Variants in SUGCT observed in about 807,000 individuals in gnomAD.
SUGCT encodes the protein succinyl-CoA:glutarate CoA-transferase.
In SUGCT, 41 loss-of-function variants were observed where a neutral mutation model predicts 55.0. The observed-to-expected ratio is 0.74, with a 90% CI of 0.58 to 0.97. The LOEUF (loss-of-function observed/expected upper bound fraction) is 0.97, where lower values mean the gene tolerates loss of function less well. SUGCT is among the 50% of genes least tolerant of loss of function. The pLI, the probability that SUGCT is intolerant of heterozygous loss-of-function variation, is 0.00. For synonymous variants in SUGCT, 187 were observed against 200.4 expected (o/e 0.93, Z 0.56); for missense variants, 568 against 547.8 (o/e 1.04, Z -0.37).
At chr7:40,258,616 A>T (rs1272377681) in intron 7 of SUGCT, among the ~76,000 whole-genome samples, 1 of 152,198 alleles carries the variant, frequency 6.6e-6, no homozygotes, top group Non-Finnish European at 1.5e-5. Context: ...TGACCTCGTG[A>T]TCCACCTGCC....
At chr7:40,945,478 G>A in the SUGCT span, among the ~76,000 whole-genome samples, 1 of 152,102 alleles carries the variant, frequency 6.6e-6, no homozygotes, top group South Asian at 2.1e-4. Flanking sequence ...GTCTACAGAT[G>A]CACCCACACC....
At chr7:40,404,639 G>A (rs976815686) in intron 9 of SUGCT, among the ~76,000 whole-genome samples, 1 of 152,106 alleles carries the variant, frequency 6.6e-6, no homozygotes, top group Non-Finnish European at 1.5e-5. Context: ...GTTTTACCAT[G>A]TTGGCCAGGC....
At chr7:40,451,984 A>C (rs920645798) in intron 10 of SUGCT, among the ~76,000 whole-genome samples, 8 of 152,242 alleles carry the variant, frequency 5.3e-5, no homozygotes, top group Admixed American at 2.6e-4. Flanking sequence ...AGATGGGACA[A>C]CTTTAGTTCC....
chr7:40,866,299 C>T, the SUGCT span, among the ~76,000 whole-genome samples: 1 of 152,040 alleles, frequency 6.6e-6, no homozygotes, highest in Non-Finnish European at 1.5e-5. Flanking sequence ...TTCACCCTGA[C>T]GGTCCTGGAT....
chr7:40,854,477 T>TTG (rs1563050950), intron 13 of SUGCT, among the ~76,000 whole-genome samples: 2 of 119,810 alleles, frequency 1.7e-5, no homozygotes, highest in African/African-American at 6.5e-5. Flanking sequence ...TCTTTCTTTC[T>TTG]CTTTCTCTCT....
chr7:40,193,209 T>C (rs1286768457), intron 5 of SUGCT, among the ~76,000 whole-genome samples: 1 of 151,450 alleles, frequency 6.6e-6, no homozygotes, highest in Non-Finnish European at 1.5e-5. Context: ...TCAAGTGATC[T>C]ATCCCCCCGA....
rs141574494 is a variant in SUGCT, at chr7:40,842,645, T to C, written c.1154-17671T>C. 1.9e-3 allele frequency among the ~76,000 whole-genome samples: 291 copies of C among 152,316 alleles called. 1 individual carries two copies. Among genetic ancestry groups the C allele is most frequent in the African/African-American group, 6.7e-3 (277 of 41,572 alleles). On this transcript the variant is annotated intron_variant, in intron 13 of 13. Transcript: ENST00000335693. Reference sequence around the variant, plus strand: ...AATTTACTAGACTCTGGACACACAATGCAAAGAAAACAGATAAGATTCCTG... The same window carrying C: ...AATTTACTAGACTCTGGACACACAACGCAAAGAAAACAGATAAGATTCCTG...
intron 12 of SUGCT, among the ~76,000 whole-genome samples, chr7:40,504,029 C>T (rs1394968628): frequency 6.6e-6 from 1 of 152,052 alleles, no homozygotes; most frequent in Non-Finnish European, 1.5e-5. Flanking sequence ...TCCAAAGAAT[C>T]AATAAACATA....
At chr7:40,499,764 CCAGT>C (rs1792180699) in intron 12 of SUGCT, among the ~76,000 whole-genome samples, 1 of 151,970 alleles carries the variant, frequency 6.6e-6, no homozygotes, top group Non-Finnish European at 1.5e-5. Context: ...ATTTTAATAG[CCAGT>C]CATTTTTCCA....
chr7:40,236,515 A>G (rs1299203044), intron 6 of SUGCT, among the ~76,000 whole-genome samples: 3 of 149,160 alleles, frequency 2.0e-5, no homozygotes, highest in African/African-American at 7.4e-5. Context: ...AGTTGATGTT[A>G]TTGTTTATTT....
Position 40,681,991 on chromosome 7 carries a change from T to C in SUGCT, c.1090-67443T>C, listed in dbSNP as rs1784268100. On this transcript the variant is annotated intron_variant, in intron 12 of 13. Coordinates refer to ENST00000335693, the MANE Select transcript of SUGCT (RefSeq NM_001193313.2). Reference sequence around the variant, plus strand: ...AGTCAGGGGTGCATGTGAAGATATCTTGAGTTTCTATAGAGAACCAAACAT... The same window carrying C: ...AGTCAGGGGTGCATGTGAAGATATCCTGAGTTTCTATAGAGAACCAAACAT... Among the ~76,000 whole-genome samples the C allele has an allele frequency of 2.0e-5, 3 of 152,182 alleles. No homozygotes were observed. In the South Asian group the frequency reaches 6.2e-4, roughly 32 times the overall value.
chr7:40,677,411 A>G (rs1784054213), intron 12 of SUGCT, among the ~76,000 whole-genome samples: 1 of 152,214 alleles, frequency 6.6e-6, no homozygotes, highest in Non-Finnish European at 1.5e-5. Context: ...ACAGTGTCAT[A>G]AGGGACCTGA....
intron 13 of SUGCT, among the ~76,000 whole-genome samples, chr7:40,757,605 T>TG (rs1350235437): frequency 6.6e-6 from 1 of 152,222 alleles, no homozygotes; most frequent in Non-Finnish European, 1.5e-5. Flanking sequence ...AGAATTTTCC[T>TG]GGGGGAATAT....
the SUGCT span, among the ~76,000 whole-genome samples, chr7:40,955,784 A>G: frequency 3.3e-5 from 5 of 152,266 alleles, no homozygotes; most frequent in East Asian, 9.7e-4. Context: ...AATAGCTCTT[A>G]TTATTTTGAG....
rs192588272 is a variant in SUGCT at position 40,399,039 on chromosome 7, A to G, written c.817-50248A>G. On this transcript the variant is annotated intron_variant, in intron 9 of 13. Coordinates refer to ENST00000335693, the MANE Select transcript of SUGCT (RefSeq NM_001193313.2). ...GTTTCACTGCCACTGCAATGTGGAA[A>G]GTGAATCTAGAAGGAGTATAATAGA... Among the ~76,000 whole-genome samples the G allele has an allele frequency of 6.1e-3, 928 of 152,324 alleles. 2 individuals are homozygous for G. The highest frequency in any genetic ancestry group is 9.8e-3 in the Non-Finnish European group (665 of 68,016).
intron 13 of SUGCT, among the ~76,000 whole-genome samples, chr7:40,846,606 T>G (rs1793569286): frequency 6.6e-6 from 1 of 152,226 alleles, no homozygotes; most frequent in South Asian, 2.1e-4. Context: ...GCCCTGTTTC[T>G]TTTTCAAATG....
intron 7 of SUGCT, 126 bp from the exon 8 acceptor site, chr7:40,274,387 G>T (rs919017152): frequency 2.2e-6 from 2 of 890,092 alleles, no homozygotes; most frequent in African/African-American, 3.4e-5. Flanking sequence ...TAACTTTCTT[G>T]TGTGTATGTG....
intron 12 of SUGCT, among the ~76,000 whole-genome samples, chr7:40,510,745 C>G (rs901681982): frequency 6.6e-6 from 1 of 151,644 alleles, no homozygotes; most frequent in Non-Finnish European, 1.5e-5. Context: ...TTCATGAGGT[C>G]GTACAAAAAT....
intron 1 of SUGCT, among the ~76,000 whole-genome samples, chr7:40,148,371 G>A (rs1403792067): frequency 2.0e-5 from 3 of 152,128 alleles, no homozygotes; most frequent in Admixed American, 6.5e-5. Context: ...CTGGCCGGGC[G>A]CGGTGGCTCA....
Sources: allele counts gnomAD v4.1 joint callset (sites outside exome capture counted in the v4.1 genomes callset), GRCh38; gene constraint gnomAD v4.1.1; transcripts MANE v1.5; gene names NCBI Gene and HGNC (gene_info 2026-07-23, HGNC 2026-07-21).